Variants in GRIA4 observed in about 807,000 individuals in gnomAD.
GRIA4 encodes glutamate receptor 4.
Under a neutral mutation model 104.0 loss-of-function variants are expected in GRIA4, and 34 were observed. The observed-to-expected ratio is 0.33, with a 90% CI of 0.25 to 0.44. GRIA4 has a LOEUF of 0.44. GRIA4 is among the 20% of genes least tolerant of loss of function. The pLI is 1.00. For synonymous variants in GRIA4, 386 were observed against 381.9 expected (o/e 1.01, Z -0.13); for missense variants, 750 against 1,096.5 (o/e 0.68, Z 4.46).
At chr11:105,784,579 A>T (rs1941873445) in intron 4 of GRIA4, among the ~76,000 whole-genome samples, 1 of 152,210 alleles carries the variant, frequency 6.6e-6, no homozygotes, top group Admixed American at 6.5e-5. Context: ...AATGAGAGGT[A>T]TTTAGCAAAT....
chr11:105,846,646 C>A (rs905670704), intron 4 of GRIA4, among the ~76,000 whole-genome samples: 2 of 152,198 alleles, frequency 1.3e-5, no homozygotes, highest in African/African-American at 2.4e-5. Flanking sequence ...TTGCTCTGAA[C>A]TTCTTGGTAA....
At chr11:105,885,255 A>T (rs1489383649) in intron 5 of GRIA4, among the ~76,000 whole-genome samples, 1 of 152,162 alleles carries the variant, frequency 6.6e-6, no homozygotes, top group Admixed American at 6.6e-5. Context: ...ACCCATGTTA[A>T]ATCACTCAAG....
intron 3 of GRIA4, among the ~76,000 whole-genome samples, chr11:105,692,991 T>C (rs1953144174): frequency 6.6e-6 from 1 of 152,222 alleles, no homozygotes; most frequent in Non-Finnish European, 1.5e-5. Flanking sequence ...TATTCTGCTA[T>C]TAAAGAGCTT....
chr11:105,622,523 T>C (rs1420088729), intron 3 of GRIA4, among the ~76,000 whole-genome samples: 1 of 151,996 alleles, frequency 6.6e-6, no homozygotes, highest in African/African-American at 2.4e-5. Context: ...TTTACCCCTT[T>C]CTGATAGTCT....
intron 4 of GRIA4, among the ~76,000 whole-genome samples, chr11:105,806,514 G>C (rs1942959071): frequency 6.6e-6 from 1 of 151,842 alleles, no homozygotes. Context: ...TCAGGTAAAT[G>C]GCATTTGCCC....
At chr11:105,720,087 T>A (rs564051061) in intron 3 of GRIA4, among the ~76,000 whole-genome samples, 1 of 151,870 alleles carries the variant, frequency 6.6e-6, no homozygotes, top group Non-Finnish European at 1.5e-5. Flanking sequence ...TAAAAATGTG[T>A]CAATATGCCA....
intron 7 of GRIA4, among the ~76,000 whole-genome samples, chr11:105,900,874 G>A (rs1199588860): frequency 6.6e-6 from 1 of 152,026 alleles, no homozygotes; most frequent in African/African-American, 2.4e-5. Flanking sequence ...CACTGCGCCT[G>A]GCCCAGATCT....
intron 4 of GRIA4, among the ~76,000 whole-genome samples, chr11:105,782,201 A>C (rs1362379141): frequency 6.6e-6 from 1 of 152,198 alleles, no homozygotes; most frequent in Non-Finnish European, 1.5e-5. Context: ...TCATTCCCTA[A>C]GAATTGTTCT....
Position 105,685,195 on chromosome 11 carries a change from GAGGA to G in GRIA4, c.248-67771_248-67768del, listed in dbSNP as rs368361533. On this transcript the variant is annotated intron_variant, in intron 3 of 16. Coordinates refer to ENST00000282499, the MANE Select transcript of GRIA4 (RefSeq NM_000829.4). ...GGAGGGAGGGAGAGAGGGAGGGAGG[GAGGA>G]AGGAAGGAAGGAAGTTAAAAACGAG... Among the ~76,000 whole-genome samples, 708 of 148,704 alleles carry G rather than the reference GAGGA, an allele frequency of 4.8e-3. 14 individuals are homozygous for G. Among genetic ancestry groups the G allele is most frequent in the African/African-American group, 0.016 (650 of 40,546 alleles).
At chr11:105,694,426 C>T (rs1379396154) in intron 3 of GRIA4, among the ~76,000 whole-genome samples, 1 of 151,990 alleles carries the variant, frequency 6.6e-6, no homozygotes, top group Non-Finnish European at 1.5e-5. Context: ...GGATTATAGG[C>T]GTAAGTCAAT....
chr11:105,677,181 G>C (rs1318645127), intron 3 of GRIA4, among the ~76,000 whole-genome samples: 1 of 151,716 alleles, frequency 6.6e-6, no homozygotes, highest in Non-Finnish European at 1.5e-5. Flanking sequence ...TTATCTTTAG[G>C]AATGTTGCAA....
intron 3 of GRIA4, among the ~76,000 whole-genome samples, chr11:105,747,854 A>C (rs1565513847): frequency 1.3e-5 from 2 of 152,198 alleles, no homozygotes; most frequent in African/African-American, 2.4e-5. Context: ...AAAACAGCCA[A>C]AATGCTCAAT....
intron 14 of GRIA4, among the ~76,000 whole-genome samples, chr11:105,946,246 A>C (rs1948309359): frequency 6.6e-6 from 1 of 152,104 alleles, no homozygotes; most frequent in Non-Finnish European, 1.5e-5. Context: ...TTCTCTTTCA[A>C]ATTGGTCTTT....
chr11:105,886,804 T>G (rs1337333269), intron 5 of GRIA4, among the ~76,000 whole-genome samples: 1 of 151,998 alleles, frequency 6.6e-6, no homozygotes, highest in Non-Finnish European at 1.5e-5. Flanking sequence ...AGTTGTAATC[T>G]CTAATGCAAA....
chr11:105,742,543 TAC>T (rs368312952), intron 3 of GRIA4, among the ~76,000 whole-genome samples: 106 of 150,992 alleles, frequency 7.0e-4, no homozygotes, highest in African/African-American at 2.1e-3. Context: ...AACATATTTA[TAC>T]ACACACACAC....
At chr11:105,913,024 G>C in intron 10 of GRIA4, 1 of 935,664 alleles carries the variant, frequency 1.1e-6, no homozygotes, top group Non-Finnish European at 1.3e-6. Context: ...TCTTCCAGTT[G>C]TCTGTCCTTT....
intron 3 of GRIA4, among the ~76,000 whole-genome samples, chr11:105,714,083 T>G (rs1432417137): frequency 6.6e-6 from 1 of 152,164 alleles, no homozygotes; most frequent in Non-Finnish European, 1.5e-5. Flanking sequence ...AATTGTGGGA[T>G]TTATGCCTCA....
chr11:105,751,490 G>A (rs769895176), intron 3 of GRIA4, among the ~76,000 whole-genome samples: 2 of 152,178 alleles, frequency 1.3e-5, no homozygotes, highest in Non-Finnish European at 2.9e-5. Flanking sequence ...ATTACAGCCA[G>A]TCACATTGTC....
intron 11 of GRIA4, among the ~76,000 whole-genome samples, chr11:105,920,807 G>T (rs1699928313): frequency 6.6e-6 from 1 of 152,094 alleles, no homozygotes; most frequent in South Asian, 2.1e-4. Context: ...TCCAATCTCT[G>T]ATGCTTGAGT....
Sources: gnomAD v4.1 joint callset for allele counts (sites outside exome capture counted in the v4.1 genomes callset) on GRCh38, gnomAD v4.1.1 for gene constraint, MANE v1.5 for transcripts, NCBI Gene and HGNC (gene_info 2026-07-23, HGNC 2026-07-21) for gene names.